CMSS1: variants seen among roughly 807,000 people sequenced by gnomAD.
CMSS1 encodes the protein protein CMSS1.
Under a neutral mutation model 43.5 loss-of-function variants are expected in CMSS1, and 33 were observed. That is an observed-to-expected ratio of 0.76 (90% CI 0.57 to 1.01). CMSS1 has a LOEUF of 1.01. Ranked by LOEUF, CMSS1 falls within the 50% of genes least tolerant of loss-of-function variation. The pLI is 0.00. For missense variants in CMSS1, 313 were observed against 326.4 expected (o/e 0.96, Z 0.32); for synonymous variants, 115 against 117.2 (o/e 0.98, Z 0.12).
intron 1 of CMSS1, among the ~76,000 whole-genome samples, chr3:99,947,126 A>G (rs1708033441): frequency 7.8e-6 from 1 of 128,032 alleles, no homozygotes; most frequent in Non-Finnish European, 1.6e-5. Context: ...CGACAGAGCA[A>G]GACTCTGTCT....
intron 1 of CMSS1, chr3:99,848,677 G>T (rs1285197919): frequency 1.2e-6 from 2 of 1,614,156 alleles, no homozygotes; most frequent in East Asian, 4.5e-5. Context: ...CTGAATAGGG[G>T]ACATTGTCCT....
intron 1 of CMSS1, among the ~76,000 whole-genome samples, chr3:99,871,980 C>G (rs963012246): frequency 6.6e-6 from 1 of 151,868 alleles, no homozygotes; most frequent in Non-Finnish European, 1.5e-5. Context: ...AACTTTGAAC[C>G]TTTCTACTTT....
At chr3:99,870,763 C>T (rs1944748138) in intron 1 of CMSS1, among the ~76,000 whole-genome samples, 1 of 152,172 alleles carries the variant, frequency 6.6e-6, no homozygotes, top group African/African-American at 2.4e-5. Context: ...GGGAGATACA[C>T]TGGTTTACCC....
At chr3:100,070,547 G>A (rs1368436433) in intron 1 of CMSS1, among the ~76,000 whole-genome samples, 1 of 152,130 alleles carries the variant, frequency 6.6e-6, no homozygotes, top group African/African-American at 2.4e-5. Flanking sequence ...GTGGATGTAT[G>A]GGGTTGTAAT....
At chr3:100,049,224 C>T (rs930350276) in intron 1 of CMSS1, among the ~76,000 whole-genome samples, 3 of 152,150 alleles carry the variant, frequency 2.0e-5, no homozygotes, top group African/African-American at 7.2e-5. Flanking sequence ...GGCAATAAAT[C>T]ATGGTAACAA....
chr3:99,993,800 A>G (rs1709594502), intron 1 of CMSS1, among the ~76,000 whole-genome samples: 1 of 152,194 alleles, frequency 6.6e-6, no homozygotes, highest in Admixed American at 6.5e-5. Flanking sequence ...GTGTTGAACC[A>G]TCCTTGCATC....
intron 1 of CMSS1, among the ~76,000 whole-genome samples, chr3:99,975,211 A>G (rs906573265): frequency 2.0e-5 from 3 of 152,236 alleles, no homozygotes; most frequent in African/African-American, 7.2e-5. Context: ...ATTTGTTCAC[A>G]TATTACTTCA....
rs753646644 is a variant in CMSS1 at position 99,849,110 on chromosome 3, G to A, written c.64+31067G>A. On this transcript the variant is annotated intron_variant, in intron 1 of 9. Transcript: ENST00000421999. ...GGAATCCATAGCTTTCTGTTAACAG[G>A]ACATGGAGTAGACTGGCTGCATTTG... 187 of 1,614,012 alleles carry A rather than the reference G, an allele frequency of 1.2e-4. 2 individuals are homozygous for A. The highest frequency in any genetic ancestry group is 1.1e-3 in the South Asian group (100 of 91,078).
intron 1 of CMSS1, among the ~76,000 whole-genome samples, chr3:99,886,769 CATG>C (rs2107609330): frequency 6.6e-6 from 1 of 151,684 alleles, no homozygotes; most frequent in Admixed American, 6.6e-5. Context: ...GCTTGGCCAA[CATG>C]GTGAAACCCA....
intron 1 of CMSS1, among the ~76,000 whole-genome samples, chr3:99,997,072 C>A (rs1369309704): frequency 1.3e-5 from 2 of 152,044 alleles, no homozygotes; most frequent in Non-Finnish European, 2.9e-5. Context: ...CCTAACATCA[C>A]AAACTAAACC....
chr3:100,127,867 A>T (rs1027704977), intron 1 of CMSS1, among the ~76,000 whole-genome samples: 1 of 152,192 alleles, frequency 6.6e-6, no homozygotes, highest in Admixed American at 6.5e-5. Context: ...CATTACTGTC[A>T]GTCTAGTTAT....
chr3:100,177,750 G>A (rs1334826067), intron 9 of CMSS1, among the ~76,000 whole-genome samples: 1 of 152,210 alleles, frequency 6.6e-6, no homozygotes, highest in Non-Finnish European at 1.5e-5. Flanking sequence ...GGGAGGCCAA[G>A]GTGGGAGGAT....
chr3:99,847,869 C>T (rs561368811), intron 1 of CMSS1: 5 of 867,820 alleles, frequency 5.8e-6, no homozygotes, highest in African/African-American at 5.5e-5. Context: ...AGACAAAATT[C>T]TATTGTACAT....
rs534181679 is a variant in CMSS1 at position 99,961,843 on chromosome 3, G to A, written c.64+143800G>A. Among the ~76,000 whole-genome samples, 14 of 152,020 alleles carry A rather than the reference G, an allele frequency of 9.2e-5. No individual in the cohort carries two copies. The East Asian group carries it at 2.3e-3, about 25-fold the overall frequency. ...AACCTATTTTCTTATGTCATAGTTC[G>A]TTTGTACATTTGTAGAGCACAAACC... On this transcript the variant is annotated intron_variant, in intron 1 of 9. Coordinates refer to ENST00000421999, the MANE Select transcript of CMSS1 (RefSeq NM_032359.4).
At chr3:99,938,678 C>T (rs1258325070) in intron 1 of CMSS1, among the ~76,000 whole-genome samples, 1 of 152,058 alleles carries the variant, frequency 6.6e-6, no homozygotes, top group Non-Finnish European at 1.5e-5. Context: ...TGGTTGGCCC[C>T]TTTAATATTA....
In CMSS1 at chr3:99,923,658, A is replaced by G. The variant is rs779114183; in HGVS notation, c.64+105615A>G. ...CCTCCTATGTGAGTTTCCTGCGCCCAGTCTAAAGCTCCTCCAGTTGTTCCT... is the reference window on the plus strand; with the variant it reads ...CCTCCTATGTGAGTTTCCTGCGCCCGGTCTAAAGCTCCTCCAGTTGTTCCT... On this transcript the variant is annotated intron_variant, in intron 1 of 9. Coordinates refer to ENST00000421999, the MANE Select transcript of CMSS1 (RefSeq NM_032359.4). Among the ~76,000 whole-genome samples the G allele has an allele frequency of 1.6e-4, 25 of 152,062 alleles. 1 individual carries two copies. The highest frequency in any genetic ancestry group is 3.4e-4 in the Non-Finnish European group (23 of 67,996).
intron 4 of CMSS1, 45 bp downstream of exon 4, chr3:100,162,477 A>G: frequency 6.3e-7 from 1 of 1,589,294 alleles, no homozygotes; most frequent in Non-Finnish European, 8.6e-7. Context: ...AGCAAAACAT[A>G]AGTATCTGTT....
intron 1 of CMSS1, among the ~76,000 whole-genome samples, chr3:99,919,236 A>G (rs1425162126): frequency 1.3e-5 from 2 of 151,950 alleles, no homozygotes; most frequent in African/African-American, 4.8e-5. Context: ...CTTCATGAGC[A>G]TTAATGTTAT....
intron 1 of CMSS1, among the ~76,000 whole-genome samples, chr3:100,038,490 T>C (rs1316296581): frequency 6.6e-6 from 1 of 152,196 alleles, no homozygotes; most frequent in African/African-American, 2.4e-5. Context: ...ACTCAGTCAG[T>C]TGTAGTTTCT....
Sources: gnomAD v4.1 joint callset for allele counts (sites outside exome capture counted in the v4.1 genomes callset) on GRCh38, gnomAD v4.1.1 for gene constraint, MANE v1.5 for transcripts, NCBI Gene and HGNC (gene_info 2026-07-23, HGNC 2026-07-21) for gene names.